Variants in PIGQ observed in about 807,000 individuals in gnomAD.
PIGQ encodes the protein phosphatidylinositol N-acetylglucosaminyltransferase subunit Q.
A neutral mutation model predicts 60.3 loss-of-function variants in PIGQ; 54 were observed. The observed-to-expected ratio is 0.90, with a 90% CI of 0.72 to 1.12. The LOEUF (loss-of-function observed/expected upper bound fraction) is 1.12. PIGQ is among the 50% of genes most tolerant of loss of function. PIGQ has a pLI of 0.00. For synonymous variants in PIGQ, 416 were observed against 363.7 expected (o/e 1.14, Z -1.64); for missense variants, 799 against 793.5 (o/e 1.01, Z -0.08).
intron 1 of PIGQ, among the ~76,000 whole-genome samples, chr16:571,617 TG>T (rs2035631300): frequency 1.4e-5 from 2 of 146,706 alleles, no homozygotes; most frequent in Admixed American, 1.4e-4. Flanking sequence ...CGCCCGTGTG[TG>T]TGTGTGTGTG....
chr16:583,629 T>C lies in PIGQ; in HGVS notation c.*594T>C, dbSNP rs1370955262. ...GCGGATGTTCCCTGGAGAGGTCGCT[T>C]TGTGAAGAAACCATCAGCAGGCTGT... is the stretch of plus-strand genomic sequence containing the variant. On this transcript the variant is annotated 3_prime_UTR_variant, in exon 11 of 11. Transcript: ENST00000321878. 6.2e-7 allele frequency: 1 copy of C among 1,612,460 alleles called. No individual in the cohort carries two copies. The highest frequency in any genetic ancestry group is 8.5e-7 in the Non-Finnish European group (1 of 1,179,908).
chr16:574,703 G>T lies in PIGQ; in HGVS notation c.629G>T (p.Gly210Val), dbSNP rs752169643. 2 of 1,598,140 alleles carry T rather than the reference G, an allele frequency of 1.3e-6. No homozygotes were observed. Among genetic ancestry groups the T allele is most frequent in the Non-Finnish European group, 1.7e-6 (2 of 1,175,986 alleles). The change falls in exon 2 of 11, where the codon GGA becomes GTA. Residue 210 changes from glycine (G) to valine (V), a missense_variant. By Grantham distance (109) the Gly-to-Val change is moderately radical (BLOSUM62 -3). Coordinates refer to ENST00000321878, the MANE Select transcript of PIGQ (RefSeq NM_004204.5). The part of the protein sequence containing the change: ...ILAELARRAS[G>V]PICLLLASLL... Reference sequence around the variant, plus strand: ...GCGGAGCTGGCCAGGCGAGCCTCGGGACCCATTTGCCTGCTGTTGGCCAGC... The same window carrying T: ...GCGGAGCTGGCCAGGCGAGCCTCGGTACCCATTTGCCTGCTGTTGGCCAGC...
rs112037208 is a variant in PIGQ at position 572,698 on chromosome 16, C to T, written c.-9-1368C>T. ...CTAAGGGCGTGGTGGGCACTGGGAC[C>T]TCCAGGCGTCCCGCTCTGTTCCCTC... On this transcript the variant is annotated intron_variant, in intron 1 of 10. Transcript: ENST00000321878. 1.5e-5 allele frequency: 7 copies of T among 456,030 alleles called. 1 individual carries two copies. The highest frequency in any genetic ancestry group is 1.2e-4 in the African/African-American group (6 of 50,082). 28.2% of individuals were successfully genotyped at this position (456,030 alleles called of 1,614,324 possible).
chr16:580,463 G>C (rs2035793391), intron 8 of PIGQ, 200 bp downstream of exon 8: 1 of 557,942 alleles, frequency 1.8e-6, no homozygotes, highest in Non-Finnish European at 3.2e-6. Context: ...CACCCTCACT[G>C]CCCTGGAGCA....
rs766505252 is a variant in PIGQ, at chr16:583,796, G to C, written c.*761G>C. ...TCTGTCTCCCTTCATGGGCCTCCCA[G>C]GGAAGGAGGAAGCCCTGCTGTGCAG... On this transcript the variant is annotated 3_prime_UTR_variant, in exon 11 of 11. Transcript: ENST00000321878. 45 of 802,014 alleles carry C rather than the reference G, an allele frequency of 5.6e-5. No individual in the cohort carries two copies. The Middle Eastern group carries it at 6.7e-4, about 12-fold the overall frequency. The allele number at this position is 802,014 out of a possible 1,614,324, so 49.7% of individuals were successfully genotyped here. A position where few individuals can be genotyped will look rare whatever the true frequency, so the allele number is the denominator to read the frequency against.
Position 574,157 on chromosome 16 carries a change from G to T in PIGQ, c.83G>T (p.Ser28Ile). 6.2e-7 allele frequency: 1 copy of T among 1,612,570 alleles called. No homozygotes were observed. The highest frequency in any genetic ancestry group is 1.3e-5 in the African/African-American group (1 of 75,040). ...GTGGGACGGTGGGTGCCGGAGCAGA[G>T]CAGCGCCGTGGTCCTGGCGGTCCTG... is the stretch of plus-strand genomic sequence containing the variant. ...LLVGRWVPEQ[S>I]SAVVLAVLHF... The change falls in exon 2 of 11, where the codon AGC becomes ATC. Residue 28 changes from serine to isoleucine, a missense_variant. Transcript: ENST00000321878.
intron 1 of PIGQ, among the ~76,000 whole-genome samples, chr16:573,746 C>T (rs1456457615): frequency 6.6e-6 from 1 of 152,114 alleles, no homozygotes. Context: ...CAGGTGGTGC[C>T]GAGGAGGCCG....
chr16:571,341 CGT>C (rs3074438), intron 1 of PIGQ, among the ~76,000 whole-genome samples: 12 of 13,582 alleles, frequency 8.8e-4, no homozygotes, highest in Non-Finnish European at 1.4e-3. Context: ...GCCTGGTGCC[CGT>C]GTGTGTGTGT....
At chr16:582,626 G>T (rs554881880) in intron 10 of PIGQ, 2 of 584,712 alleles carry the variant, frequency 3.4e-6, no homozygotes, top group Non-Finnish European at 6.1e-6. Flanking sequence ...GTCCTGGGGT[G>T]GGGTGTGCGT....
In PIGQ at chr16:583,393, A is replaced by G. The variant is rs779738893; in HGVS notation, c.*358A>G. The G allele has an allele frequency of 6.2e-7, 1 of 1,612,732 alleles. No homozygotes were observed. Among genetic ancestry groups the G allele is most frequent in the Non-Finnish European group, 8.5e-7 (1 of 1,179,924 alleles). ...AGGGTCCGTCCACCACAGCAGCCCC[A>G]GGTGGAGGGCTGGTCTCCCTGGGGG... On this transcript the variant is annotated 3_prime_UTR_variant, in exon 11 of 11. Transcript: ENST00000321878.
chr16:572,611 C>T (rs1216845558), intron 1 of PIGQ: 1 of 454,940 alleles, frequency 2.2e-6, no homozygotes, highest in South Asian at 1.6e-5. Flanking sequence ...GGTCTGTTCC[C>T]TCATCCCTAA....
rs753685457 is a variant in PIGQ at position 582,967 on chromosome 16, C to G, written c.1678C>G (p.Leu560Val). The change falls in exon 11 of 11, where the codon CTG (leucine) becomes GTG (valine). Residue 560 changes from leucine to valine, a missense_variant. Coordinates refer to ENST00000321878, the MANE Select transcript of PIGQ (RefSeq NM_004204.5). Reference sequence around the variant, plus strand: ...CCACCCCAAGCACTCCTGGGGCGCCCTGTGCCGCAAGCTGTTCCTTGGGGA... The same window carrying G: ...CCACCCCAAGCACTCCTGGGGCGCCGTGTGCCGCAAGCTGTTCCTTGGGGA... ...GCHPKHSWGALCRKLFLGELI... is the reference protein window; with the variant it reads ...GCHPKHSWGAVCRKLFLGELI... 1.2e-6 allele frequency: 2 copies of G among 1,612,964 alleles called. No individual in the cohort carries two copies. Among genetic ancestry groups the G allele is most frequent in the East Asian group, 2.2e-5 (1 of 44,890 alleles).
chr16:578,758 T>C, intron 5 of PIGQ, 27 bp from the exon 6 acceptor site: 1 of 1,608,378 alleles, frequency 6.2e-7, no homozygotes, highest in Non-Finnish European at 8.5e-7. Context: ...TCTGAGCGCC[T>C]CCTGAGGGCC....
At chr16:580,773 C>T in intron 8 of PIGQ, 85 bp from the exon 9 acceptor site, 2 of 759,526 alleles carry the variant, frequency 2.6e-6, no homozygotes, top group Admixed American at 3.5e-5. Flanking sequence ...TCTGGGCCCC[C>T]TTCATCGTGG....
At chr16:582,644 G>A in intron 10 of PIGQ, 1 of 593,316 alleles carries the variant, frequency 1.7e-6, no homozygotes, top group Non-Finnish European at 3.0e-6. Flanking sequence ...CGTCCCTGTG[G>A]CACGGCCCCT....
intron 1 of PIGQ, among the ~76,000 whole-genome samples, chr16:571,642 A>G (rs1042320741): frequency 1.4e-5 from 2 of 140,348 alleles, no homozygotes; most frequent in Non-Finnish European, 3.1e-5. Context: ...GTGTTTCCTC[A>G]GTCTTTAAAG....
At chr16:581,244 C>A (rs1409560675) in intron 9 of PIGQ, 1 of 1,406,036 alleles carries the variant, frequency 7.1e-7, no homozygotes, top group Non-Finnish European at 9.4e-7. Flanking sequence ...TGTTCTTCTG[C>A]CTTGGGATTT....
Position 579,246 on chromosome 16 carries a change from G to A in PIGQ, c.1335+66G>A, listed in dbSNP as rs903379565. ...CGGCCTGTGCCCGCTGGGCCAGCGC[G>A]GTGCTTGGGCACCACAAGGGGGCAG... On this transcript the variant is annotated intron_variant, in intron 7 of 10. Transcript: ENST00000321878. 32 of 1,347,508 alleles carry A rather than the reference G, an allele frequency of 2.4e-5. No individual in the cohort carries two copies. In the East Asian group the frequency reaches 4.9e-4, roughly 20 times the overall value. 83.5% of individuals were successfully genotyped at this position (1,347,508 alleles called of 1,614,324 possible).
In PIGQ at chr16:580,216, C is replaced by T; in HGVS notation, c.1369C>T (p.Leu457Phe). 1 of 1,613,026 alleles carries T rather than the reference C, an allele frequency of 6.2e-7. No homozygotes were observed. Among genetic ancestry groups the T allele is most frequent in the Non-Finnish European group, 8.5e-7 (1 of 1,179,446 alleles). The change falls in exon 8 of 11, where the codon CTC becomes TTC. Residue 457 changes from leucine to phenylalanine, a missense_variant. Leu to Phe is a conservative substitution (Grantham distance 22). Transcript: ENST00000321878. ...CGGGACTCTGCTCTTCACCATCCTGCTCTTCCTCCTGCCTACCACAGCCCT... is the reference window on the plus strand; with the variant it reads ...CGGGACTCTGCTCTTCACCATCCTGTTCTTCCTCCTGCCTACCACAGCCCT... ...FIGTLLFTILLFLLPTTALYY... is the reference protein window; with the variant it reads ...FIGTLLFTILFFLLPTTALYY...
Sources: allele counts gnomAD v4.1 joint callset (sites outside exome capture counted in the v4.1 genomes callset), GRCh38; gene constraint gnomAD v4.1.1; transcripts MANE v1.5; gene names NCBI Gene and HGNC (gene_info 2026-07-23, HGNC 2026-07-21).